The following NEMP2 variants were observed in gnomAD, a reference collection of about 807,000 sequenced individuals.
The protein encoded by NEMP2 is nuclear envelope integral membrane protein 2.
Under a neutral mutation model 54.2 loss-of-function variants are expected in NEMP2, and 53 were observed. That is an observed-to-expected ratio of 0.98 (90% confidence interval 0.78 to 1.23). The LOEUF is 1.23. Among genes scored for constraint, NEMP2 ranks in the 50% most tolerant of loss-of-function variants. The pLI is 0.00. For missense variants in NEMP2, 455 were observed against 511.3 expected, an observed-to-expected ratio of 0.89 and a Z score of 1.06; for synonymous variants, 197 against 190.3, an observed-to-expected ratio of 1.04 and a Z score of -0.29.
At chr2:190,575,205 C>A in the NEMP2 span, among the ~76,000 whole-genome samples, 1 of 152,110 alleles carries the variant, frequency 6.6e-6, no homozygotes, top group Admixed American at 6.5e-5. Flanking sequence ...TCCCACCATC[C>A]CCAACAAGTG....
the NEMP2 span, among the ~76,000 whole-genome samples, chr2:190,587,423 T>C: frequency 6.6e-6 from 1 of 152,178 alleles, no homozygotes; most frequent in Non-Finnish European, 1.5e-5. The surrounding 1 kb of genome is among the most constrained non-coding windows in gnomAD (Gnocchi z 5.4). Flanking sequence ...ATACTCTGGC[T>C]ATTGCTATTG....
At chr2:190,573,448 T>C in the NEMP2 span, among the ~76,000 whole-genome samples, 1 of 152,172 alleles carries the variant, frequency 6.6e-6, no homozygotes, top group Non-Finnish European at 1.5e-5. Context: ...TGTGTGTAAT[T>C]TGCTACTCTT....
the NEMP2 span, among the ~76,000 whole-genome samples, chr2:190,581,816 T>C: frequency 6.6e-6 from 1 of 152,198 alleles, no homozygotes; most frequent in South Asian, 2.1e-4. Context: ...GGAGCCCATT[T>C]ATATTGGTTC....
chr2:190,608,136 C>T, the NEMP2 span: 2 of 152,222 alleles, frequency 1.3e-5, no homozygotes, highest in African/African-American at 2.4e-5. The surrounding 1 kb of genome is among the most constrained non-coding windows in gnomAD (Gnocchi z 4.9). Context: ...GTACCCACGC[C>T]GTACACGTTC....
the NEMP2 span, among the ~76,000 whole-genome samples, chr2:190,493,353 A>C: frequency 6.6e-6 from 1 of 152,134 alleles, no homozygotes; most frequent in South Asian, 2.1e-4. Context: ...ATATACATAC[A>C]CCTAACACTG....
chr2:190,525,231 C>T lies in NEMP2; in HGVS notation c.213+32G>A, dbSNP rs1334904737. On this transcript the variant is annotated intron_variant, in intron 2 of 8. Coordinates refer to ENST00000409150, the MANE Select transcript of NEMP2 (RefSeq NM_001142645.2). The surrounding 1 kb of genome is among the most constrained non-coding windows in gnomAD (Gnocchi z 5.0). ...TCCCCAGGACATGGTAATTCTCTGTCCCTAAGACATGAGTTAAAAGTAGGC... is the reference window on the plus strand; with the variant it reads ...TCCCCAGGACATGGTAATTCTCTGTTCCTAAGACATGAGTTAAAAGTAGGC... The T allele has an allele frequency of 4.2e-6, 5 of 1,196,568 alleles. No individual in the cohort carries two copies. The highest frequency in any genetic ancestry group is 5.1e-5 in the East Asian group (2 of 39,200). 74.1% of individuals were successfully genotyped at this position (1,196,568 alleles called of 1,614,324 possible).
chr2:190,463,493 T>G, the NEMP2 span, among the ~76,000 whole-genome samples: 4 of 151,450 alleles, frequency 2.6e-5, no homozygotes, highest in Non-Finnish European at 5.9e-5. This position sits in a 1 kb window ranked among gnomAD's most constrained non-coding sequence, Gnocchi z 4.4. Context: ...GAAAAAAAAA[T>G]TTTTTTTAGG....
the NEMP2 span, among the ~76,000 whole-genome samples, chr2:190,572,833 G>GTGTATATA: frequency 2.5e-4 from 12 of 47,866 alleles, no homozygotes; most frequent in African/African-American, 5.2e-4. Context: ...CTTTTCATGA[G>GTGTATATA]TATATATATA....
the NEMP2 span, among the ~76,000 whole-genome samples, chr2:190,554,260 G>GT: frequency 4.0e-5 from 6 of 151,684 alleles, no homozygotes; most frequent in Admixed American, 6.6e-5. The surrounding 1 kb of genome is among the most constrained non-coding windows in gnomAD (Gnocchi z 5.7). Flanking sequence ...AGCCGCAGGA[G>GT]TTTTTTTTTC....
downstream of NEMP2, among the ~76,000 whole-genome samples, chr2:190,499,565 T>C (rs1157175847): frequency 6.6e-6 from 1 of 152,244 alleles, no homozygotes; most frequent in Non-Finnish European, 1.5e-5. The surrounding 1 kb of genome is among the most constrained non-coding windows in gnomAD (Gnocchi z 6.0). Flanking sequence ...TTCCCAGCTC[T>C]GCCTCCAAGG....
chr2:190,498,913 G>A, the NEMP2 span, among the ~76,000 whole-genome samples: 1 of 152,260 alleles, frequency 6.6e-6, no homozygotes, highest in African/African-American at 2.4e-5. The surrounding 1 kb of genome is among the most constrained non-coding windows in gnomAD (Gnocchi z 5.9). Flanking sequence ...ACTTTGGGAG[G>A]CCGAGGTGGG....
intron 6 of NEMP2, among the ~76,000 whole-genome samples, chr2:190,515,099 C>A (rs1011455715): frequency 6.6e-6 from 1 of 152,150 alleles, no homozygotes; most frequent in Non-Finnish European, 1.5e-5. Context: ...ATCCAATGTT[C>A]AGTCTCATCA....
At chr2:190,464,221 G>A in the NEMP2 span, among the ~76,000 whole-genome samples, 1 of 152,158 alleles carries the variant, frequency 6.6e-6, no homozygotes, top group Non-Finnish European at 1.5e-5. Context: ...GAACTTCCAA[G>A]TGATAAAAAA....
chr2:190,445,783 T>C, the NEMP2 span, among the ~76,000 whole-genome samples: 1 of 148,026 alleles, frequency 6.8e-6, no homozygotes, highest in Non-Finnish European at 1.5e-5. Flanking sequence ...GAATACTTAC[T>C]TTGAAATCAG....
the NEMP2 span, chr2:190,465,006 C>G: frequency 1.5e-6 from 1 of 677,772 alleles, no homozygotes; most frequent in Non-Finnish European, 1.8e-6. The surrounding 1 kb of genome is among the most constrained non-coding windows in gnomAD (Gnocchi z 4.6). Context: ...TACAGAATGA[C>G]TCATAATTCA....
intron 1 of NEMP2, among the ~76,000 whole-genome samples, chr2:190,526,608 T>A (rs1178774131): frequency 7.2e-5 from 11 of 152,138 alleles, no homozygotes; most frequent in Non-Finnish European, 1.5e-5. Context: ...ATCAGCAGGC[T>A]TTACAGATTC....
At position 190,520,072 on chromosome 2, in the gene NEMP2, T is replaced by A. The variant is rs1033190587; in HGVS notation, c.214-889A>T. Among the ~76,000 whole-genome samples the A allele has an allele frequency of 2.6e-5, 4 of 152,126 alleles. No individual in the cohort carries two copies. Among genetic ancestry groups the A allele is most frequent in the African/African-American group, 9.7e-5 (4 of 41,418 alleles). On this transcript the variant is annotated intron_variant, in intron 2 of 8. Coordinates refer to ENST00000409150, the MANE Select transcript of NEMP2 (RefSeq NM_001142645.2). This position sits in a 1 kb window ranked among gnomAD's most constrained non-coding sequence, Gnocchi z 5.4. ...TTATAGGTACTAGGAAACCAAAAAA[T>A]TTGTATGACTTGCTTTATGGGGTAT...
the NEMP2 span, among the ~76,000 whole-genome samples, chr2:190,621,859 A>C: frequency 2.6e-5 from 4 of 152,352 alleles, no homozygotes; most frequent in East Asian, 7.7e-4. Flanking sequence ...CTGTAATCCC[A>C]GCACTTTGGG....
the NEMP2 span, among the ~76,000 whole-genome samples, chr2:190,607,172 C>T: frequency 1.3e-5 from 2 of 152,084 alleles, no homozygotes; most frequent in East Asian, 1.9e-4. This position sits in a 1 kb window ranked among gnomAD's most constrained non-coding sequence, Gnocchi z 5.2. Flanking sequence ...GAAACATGAG[C>T]AAGGGAATAG....
Sources: gnomAD v4.1 joint callset for allele counts (sites outside exome capture counted in the v4.1 genomes callset) on GRCh38, gnomAD v4.1.1 for gene constraint, Gnocchi (gnomAD v3.1) non-coding constraint, MANE v1.5 for transcripts, NCBI Gene and HGNC (gene_info 2026-07-23, HGNC 2026-07-21) for gene names.